MACROD2: variants seen among roughly 807,000 people sequenced by gnomAD.
The protein encoded by MACROD2 is ADP-ribose glycohydrolase MACROD2.
In MACROD2, 36 loss-of-function variants were observed where a neutral mutation model predicts 70.4. That is an observed-to-expected ratio of 0.51 (90% CI 0.39 to 0.68). The LOEUF (loss-of-function observed/expected upper bound fraction) is 0.68. Among genes scored for constraint, MACROD2 ranks in the 30% least tolerant of loss-of-function variants. MACROD2 has a pLI of 0.00. For synonymous variants in MACROD2, 172 were observed against 178.8 expected (o/e 0.96, Z 0.30); for missense variants, 496 against 538.4 (o/e 0.92, Z 0.78).
chr20:14,463,462 A>G (rs562575869), intron 3 of MACROD2, among the ~76,000 whole-genome samples: 1 of 152,232 alleles, frequency 6.6e-6, no homozygotes, highest in South Asian at 2.1e-4. Context: ...TTCTAAATAT[A>G]CAATCATGTC....
intron 5 of MACROD2, among the ~76,000 whole-genome samples, chr20:15,101,675 G>A (rs991573303): frequency 6.6e-6 from 1 of 151,838 alleles, no homozygotes; most frequent in South Asian, 2.1e-4. Flanking sequence ...TTAAGCATGA[G>A]GCTATTTTTA....
intron 5 of MACROD2, among the ~76,000 whole-genome samples, chr20:15,183,355 T>A (rs2076513275): frequency 6.6e-6 from 1 of 151,912 alleles, no homozygotes; most frequent in Non-Finnish European, 1.5e-5. Flanking sequence ...GGCAACATAA[T>A]GAGATGCCAT....
chr20:15,384,633 T>C (rs2045687880), intron 6 of MACROD2, among the ~76,000 whole-genome samples: 2 of 152,220 alleles, frequency 1.3e-5, no homozygotes, highest in Non-Finnish European at 2.9e-5. Context: ...TCCTACTATA[T>C]GCCGGGTGTT....
At chr20:14,743,217 A>G (rs923235672) in intron 5 of MACROD2, among the ~76,000 whole-genome samples, 1 of 152,154 alleles carries the variant, frequency 6.6e-6, no homozygotes, top group African/African-American at 2.4e-5. Context: ...ATATTGTGGT[A>G]GTAAGAATGC....
intron 8 of MACROD2, among the ~76,000 whole-genome samples, chr20:15,774,963 C>A (rs1208243208): frequency 6.6e-6 from 1 of 151,976 alleles, no homozygotes; most frequent in Non-Finnish European, 1.5e-5. Flanking sequence ...TTAAGAATGA[C>A]AAAGTTCATA....
chr20:14,367,547 CAT>C (rs1486677439), intron 3 of MACROD2, among the ~76,000 whole-genome samples: 2 of 152,186 alleles, frequency 1.3e-5, no homozygotes, highest in African/African-American at 2.4e-5. Flanking sequence ...ATTAGCCAAA[CAT>C]AGAATTCGTG....
chr20:15,613,279 C>T (rs1188501107), intron 8 of MACROD2, among the ~76,000 whole-genome samples: 2 of 152,142 alleles, frequency 1.3e-5, no homozygotes, highest in East Asian at 3.9e-4. Flanking sequence ...TCTTTGTCTA[C>T]TTATTATGAC....
At chr20:14,364,295 G>A (rs2083252143) in intron 3 of MACROD2, among the ~76,000 whole-genome samples, 1 of 152,164 alleles carries the variant, frequency 6.6e-6, no homozygotes, top group Non-Finnish European at 1.5e-5. Context: ...CTTTATGAAG[G>A]CAGATTCCTG....
chr20:14,451,338 A>T (rs907172876), intron 3 of MACROD2, among the ~76,000 whole-genome samples: 2 of 152,084 alleles, frequency 1.3e-5, no homozygotes, highest in Admixed American at 1.3e-4. Flanking sequence ...AATCCCAGCT[A>T]CTCAGGAGGC....
chr20:14,907,968 A>G (rs1279645772), intron 5 of MACROD2, among the ~76,000 whole-genome samples: 1 of 152,192 alleles, frequency 6.6e-6, no homozygotes, highest in Admixed American at 6.5e-5. Context: ...ACATCCATGA[A>G]CTTGGAACCC....
At chr20:15,191,938 A>G (rs1406956056) in intron 5 of MACROD2, among the ~76,000 whole-genome samples, 1 of 144,634 alleles carries the variant, frequency 6.9e-6, no homozygotes, top group African/African-American at 2.5e-5. Context: ...ATATAGAGAG[A>G]GAGAGAGTTA....
intron 8 of MACROD2, among the ~76,000 whole-genome samples, chr20:15,563,904 G>A (rs1422127938): frequency 6.6e-6 from 1 of 152,078 alleles, no homozygotes; most frequent in East Asian, 1.9e-4. Flanking sequence ...ATCAGCGCTG[G>A]AACAAAGGAT....
intron 5 of MACROD2, among the ~76,000 whole-genome samples, chr20:14,800,935 A>C (rs752811068): frequency 6.6e-6 from 1 of 152,116 alleles, no homozygotes; most frequent in Non-Finnish European, 1.5e-5. Context: ...CAGTCAATGC[A>C]TGTGGACACA....
Position 15,339,271 on chromosome 20 carries a change from G to A in MACROD2, c.541-92134G>A, listed in dbSNP as rs572847791. Among the ~76,000 whole-genome samples the A allele has an allele frequency of 4.9e-4, 75 of 151,962 alleles. No individual in the cohort carries two copies. In the South Asian group the frequency reaches 0.015, roughly 31 times the overall value. Reference sequence around the variant, plus strand: ...ATAGAATTTTATCTATCATAGGTTAGGTGTATTCTGATGTTCAGTTTATGT... The same window carrying A: ...ATAGAATTTTATCTATCATAGGTTAAGTGTATTCTGATGTTCAGTTTATGT... On this transcript the variant is annotated intron_variant, in intron 6 of 17. Coordinates refer to ENST00000684519, the MANE Select transcript of MACROD2 (RefSeq NM_001351661.2).
chr20:14,034,570 G>A (rs1296224066), intron 2 of MACROD2, among the ~76,000 whole-genome samples: 1 of 152,154 alleles, frequency 6.6e-6, no homozygotes, highest in Admixed American at 6.5e-5. Context: ...GTATGCAAAT[G>A]CATATTTCTC....
chr20:14,977,946 T>C (rs924525216), intron 5 of MACROD2, among the ~76,000 whole-genome samples: 1 of 152,184 alleles, frequency 6.6e-6, no homozygotes, highest in African/African-American at 2.4e-5. Flanking sequence ...TCAAAAATCC[T>C]TTGTTTTATT....
intron 5 of MACROD2, among the ~76,000 whole-genome samples, chr20:14,999,938 A>G (rs2074979907): frequency 6.6e-6 from 1 of 152,248 alleles, no homozygotes; most frequent in African/African-American, 2.4e-5. Flanking sequence ...TCAGTATGAT[A>G]CAATTTAAAG....
chr20:14,830,217 T>C (rs1357422034), intron 5 of MACROD2, among the ~76,000 whole-genome samples: 1 of 152,128 alleles, frequency 6.6e-6, no homozygotes, highest in Non-Finnish European at 1.5e-5. Context: ...GAGGCATCAC[T>C]GAAATTTGAA....
Position 15,606,444 on chromosome 20 carries a change from G to A in MACROD2, c.645+106597G>A, listed in dbSNP as rs567309957. On this transcript the variant is annotated intron_variant, in intron 8 of 17. Transcript: ENST00000684519. Reference sequence around the variant, plus strand: ...GTTCATTTTTCAGGACTGAACACAGGTTTCAGCCTTCCTGTGGGTCTGGGC... The same window carrying A: ...GTTCATTTTTCAGGACTGAACACAGATTTCAGCCTTCCTGTGGGTCTGGGC... 2.6e-5 allele frequency among the ~76,000 whole-genome samples: 4 copies of A among 151,918 alleles called. No homozygotes were observed. The South Asian group carries it at 8.4e-4, about 32-fold the overall frequency.
Sources: gnomAD v4.1 joint callset for allele counts (sites outside exome capture counted in the v4.1 genomes callset) on GRCh38, gnomAD v4.1.1 for gene constraint, MANE v1.5 for transcripts, NCBI Gene and HGNC (gene_info 2026-07-23, HGNC 2026-07-21) for gene names.